RPA3: variants seen among roughly 807,000 people sequenced by gnomAD.
The protein encoded by RPA3 is replication protein A 14 kDa subunit.
Under a neutral mutation model 13.7 loss-of-function variants are expected in RPA3, and 24 were observed. The ratio of observed to expected loss-of-function variants is 1.75; its 90% CI spans 1.27 to 2.46. RPA3 has a LOEUF of 2.46. RPA3 is among the 30% of genes most tolerant of loss of function. RPA3 has a pLI of 0.00. For missense variants in RPA3, 183 were observed against 151.0 expected (o/e 1.21, Z -1.11); for synonymous variants, 59 against 51.2 (o/e 1.15, Z -0.65).
At chr7:7,698,208 T>A (rs576487355) in intron 2 of RPA3, among the ~76,000 whole-genome samples, 1 of 152,238 alleles carries the variant, frequency 6.6e-6, no homozygotes, top group Non-Finnish European at 1.5e-5. Context: ...GCTTCATTAG[T>A]GTTTTTGGAT....
intron 3 of RPA3, among the ~76,000 whole-genome samples, chr7:7,686,453 AAAAATGTAGATAATTTTT>A (rs1780043434): frequency 6.6e-6 from 1 of 152,148 alleles, no homozygotes; most frequent in Admixed American, 6.5e-5. Context: ...ACAATTTTTT[AAAAATGTAGATAATTTTT>A]ATAGTTTCAG....
Position 7,654,602 on chromosome 7 carries a change from A to T in RPA3, c.-757-13427T>A, listed in dbSNP as rs544461424. Among the ~76,000 whole-genome samples, 3 of 152,214 alleles carry T rather than the reference A, an allele frequency of 2.0e-5. No homozygotes were observed. The South Asian group carries it at 6.2e-4, about 32-fold the overall frequency. On this transcript the variant is annotated intron_variant, in intron 4 of 7. Transcript: ENST00000223129. ...TTAGAATATCTAACTCTGTGTAAAT[A>T]GTTATATTTTAAAATTTGGGCTGGG...
At chr7:7,705,537 T>G (rs1465125542) in intron 2 of RPA3, among the ~76,000 whole-genome samples, 2 of 152,222 alleles carry the variant, frequency 1.3e-5, no homozygotes, top group Non-Finnish European at 2.9e-5. Context: ...TGTAATCATC[T>G]GGCTCTAAGT....
intron 4 of RPA3, among the ~76,000 whole-genome samples, chr7:7,655,008 G>C (rs2115080373): frequency 6.6e-6 from 1 of 152,072 alleles, no homozygotes; most frequent in East Asian, 1.9e-4. Flanking sequence ...GATCTGGTGG[G>C]CCCACTCTAT....
chr7:7,679,855 A>G (rs1294980021), intron 4 of RPA3, among the ~76,000 whole-genome samples: 1 of 151,328 alleles, frequency 6.6e-6, no homozygotes, highest in South Asian at 2.1e-4. Flanking sequence ...GTGAGCTGCT[A>G]TGCCTGGCCT....
rs1265623001 is a variant in RPA3, at chr7:7,640,404, C to T, written c.15G>A (p.Met5Ile). The T allele has an allele frequency of 2.5e-6, 4 of 1,614,024 alleles. No individual in the cohort carries two copies. Among genetic ancestry groups the T allele is most frequent in the East Asian group, 2.2e-5 (1 of 44,890 alleles). MVDMMDLPRSRINAG... is the reference protein window; with the variant it reads MVDMIDLPRSRINAG... ...CGTTGATGCGCGACCTGGGCAAGTC[C>T]ATCATGTCCACCATGATTATGGTCC... The change falls in exon 5 of 8, where the codon ATG (methionine) becomes ATA (isoleucine). Residue 5 changes from methionine (M) to isoleucine (I), a missense_variant. Transcript: ENST00000223129.
intron 2 of RPA3, among the ~76,000 whole-genome samples, chr7:7,695,143 T>C (rs1780279219): frequency 6.6e-6 from 1 of 152,220 alleles, no homozygotes; most frequent in Non-Finnish European, 1.5e-5. Context: ...ATCAGTAATG[T>C]TGAGCACCTT....
At chr7:7,668,070 C>A (rs1259027372) in intron 4 of RPA3, among the ~76,000 whole-genome samples, 1 of 152,090 alleles carries the variant, frequency 6.6e-6, no homozygotes, top group Non-Finnish European at 1.5e-5. Context: ...GCACACACCA[C>A]CACAGCTGGC....
intron 6 of RPA3, chr7:7,638,659 G>A (rs773660212): frequency 2.6e-5 from 4 of 155,222 alleles, no homozygotes; most frequent in Non-Finnish European, 5.7e-5. Flanking sequence ...ATCTTGGGAG[G>A]CTAAGGCTGC....
At position 7,662,645 on chromosome 7, in the gene RPA3, C is replaced by G. The variant is rs146977201; in HGVS notation, c.-757-21470G>C. 2.8e-3 allele frequency among the ~76,000 whole-genome samples: 433 copies of G among 152,254 alleles called. 1 individual carries two copies. The highest frequency in any genetic ancestry group is 9.4e-3 in the African/African-American group (392 of 41,556). On this transcript the variant is annotated intron_variant, in intron 4 of 7. Transcript: ENST00000223129. The stretch of plus-strand genomic sequence containing the variant: ...TCTGTTCGCCCTCCTTGGGCTGCAC[C>G]CACTGTCTAACCAGTCCCAATGAGA...
intron 2 of RPA3, among the ~76,000 whole-genome samples, chr7:7,706,759 G>C (rs1780611957): frequency 6.6e-6 from 1 of 152,096 alleles, no homozygotes; most frequent in South Asian, 2.1e-4. Context: ...AGTGACAGCT[G>C]GGATTTTAAA....
At chr7:7,684,425 T>C (rs1009420876) in intron 4 of RPA3, among the ~76,000 whole-genome samples, 1 of 152,022 alleles carries the variant, frequency 6.6e-6, no homozygotes, top group Non-Finnish European at 1.5e-5. Context: ...GCCAGGCTGG[T>C]CTTGAACTTC....
intron 4 of RPA3, among the ~76,000 whole-genome samples, chr7:7,682,100 T>C (rs762669165): frequency 2.6e-5 from 4 of 152,124 alleles, no homozygotes; most frequent in Non-Finnish European, 5.9e-5. Context: ...ATTAAAGGAA[T>C]TGGGTTACAG....
intron 4 of RPA3, among the ~76,000 whole-genome samples, chr7:7,670,203 A>G (rs1309643538): frequency 1.3e-5 from 2 of 152,174 alleles, no homozygotes; most frequent in Admixed American, 6.5e-5. Context: ...GGGGTTGGAG[A>G]ATGACTTATT....
intron 4 of RPA3, among the ~76,000 whole-genome samples, chr7:7,646,307 G>GA (rs35884759): frequency 6.6e-6 from 1 of 151,426 alleles, no homozygotes; most frequent in Admixed American, 6.6e-5. Context: ...GTTTGGCTGT[G>GA]CCCCACTCAA....
At chr7:7,688,921 A>T (rs1415148470) in intron 2 of RPA3, among the ~76,000 whole-genome samples, 3 of 152,190 alleles carry the variant, frequency 2.0e-5, no homozygotes, top group Non-Finnish European at 4.4e-5. Context: ...AATGAAAATA[A>T]GTCTTTGTTA....
At chr7:7,683,142 T>G (rs1779953572) in intron 4 of RPA3, among the ~76,000 whole-genome samples, 1 of 152,224 alleles carries the variant, frequency 6.6e-6, no homozygotes, top group Admixed American at 6.5e-5. Flanking sequence ...TTGGCACAGT[T>G]AATTGTGGGA....
At chr7:7,697,056 G>A (rs1780337799) in intron 2 of RPA3, among the ~76,000 whole-genome samples, 1 of 152,126 alleles carries the variant, frequency 6.6e-6, no homozygotes, top group African/African-American at 2.4e-5. Flanking sequence ...GCAGTCAGCA[G>A]GAACGGTCTT....
rs1385843083 is a variant in RPA3 at position 7,644,764 on chromosome 7, A to G, written c.-757-3589T>C. ...ATAGTGTAGCTTATCATAACTTTTG[A>G]TGTCTGGGGCTGTGTTCTCGGGAAT... On this transcript the variant is annotated intron_variant, in intron 4 of 7. Transcript: ENST00000223129. 2.6e-5 allele frequency among the ~76,000 whole-genome samples: 4 copies of G among 151,970 alleles called. No individual in the cohort carries two copies. The East Asian group carries it at 7.7e-4, about 29-fold the overall frequency.
Sources: gnomAD v4.1 joint callset for allele counts (sites outside exome capture counted in the v4.1 genomes callset) on GRCh38, gnomAD v4.1.1 for gene constraint, MANE v1.5 for transcripts, NCBI Gene and HGNC (gene_info 2026-07-23, HGNC 2026-07-21) for gene names.